Variants in CFAP43 observed in about 807,000 individuals in gnomAD.
The protein encoded by CFAP43 is cilia- and flagella-associated protein 43.
Under a neutral mutation model 218.9 loss-of-function variants are expected in CFAP43, and 155 were observed. That is an observed-to-expected ratio of 0.71 (90% confidence interval 0.62 to 0.81). CFAP43 has a LOEUF of 0.81. Ranked by LOEUF, CFAP43 falls within the 30% of genes least tolerant of loss-of-function variation. The pLI, the probability that CFAP43 is intolerant of heterozygous loss-of-function variation, is 0.00. For missense variants in CFAP43, 1,778 were observed against 1,954.3 expected (o/e 0.91, Z 1.70); for synonymous variants, 645 against 681.3 (o/e 0.95, Z 0.83).
At chr10:104,170,568 G>A (rs2089368105) in intron 20 of CFAP43, among the ~76,000 whole-genome samples, 1 of 152,118 alleles carries the variant, frequency 6.6e-6, no homozygotes, top group African/African-American at 2.4e-5. Context: ...CCGAGCCTGA[G>A]CCAAACCAGA....
At chr10:104,190,744 C>A (rs1564778812) in intron 12 of CFAP43, among the ~76,000 whole-genome samples, 2 of 152,210 alleles carry the variant, frequency 1.3e-5, no homozygotes, top group African/African-American at 4.8e-5. Flanking sequence ...CCAAGTCCTA[C>A]CAATTCCATC....
chr10:104,154,283 AGTT>A (rs904003591), intron 27 of CFAP43, among the ~76,000 whole-genome samples: 3 of 152,222 alleles, frequency 2.0e-5, no homozygotes, highest in African/African-American at 7.2e-5. Context: ...CAGTTTAAAA[AGTT>A]GAAAAGCCAA....
At chr10:104,136,362 A>G (rs1221630261) in intron 34 of CFAP43, among the ~76,000 whole-genome samples, 3 of 149,200 alleles carry the variant, frequency 2.0e-5, no homozygotes, top group Non-Finnish European at 4.5e-5. Flanking sequence ...ATTTTATTTT[A>G]TTTTATTTTA....
At chr10:104,204,879 C>A (rs973534012) in intron 7 of CFAP43, among the ~76,000 whole-genome samples, 5 of 151,880 alleles carry the variant, frequency 3.3e-5, no homozygotes, top group African/African-American at 4.8e-5. Context: ...TAGGTCAGTT[C>A]CACACCTTAG....
rs775365271 is a variant in CFAP43, at chr10:104,188,274, T to TGGCA, written c.1679_1682dup (p.Gln562AlafsTer9). 6.2e-7 allele frequency: 1 copy of TGGCA among 1,613,646 alleles called. No homozygotes were observed. Among genetic ancestry groups the TGGCA allele is most frequent in the Non-Finnish European group, 8.5e-7 (1 of 1,179,786 alleles). ...GGCTGCTTATGTTTTCCTTACCTTG[T>TGGCA]GGCAGTAATGTAGGCAGTGTGAACA... is the stretch of plus-strand genomic sequence containing the variant. On this transcript the variant is annotated frameshift_variant, in exon 13 of 38. Coordinates refer to ENST00000357060, the MANE Select transcript of CFAP43 (RefSeq NM_025145.7). LOFTEE classifies it high-confidence loss of function.
At position 104,179,940 on chromosome 10, in the gene CFAP43, A is replaced by G; in HGVS notation, c.2290-8T>C. 1 of 1,608,296 alleles carries G rather than the reference A, an allele frequency of 6.2e-7. No homozygotes were observed. Among genetic ancestry groups the G allele is most frequent in the Non-Finnish European group, 8.5e-7 (1 of 1,175,960 alleles). On this transcript the variant is annotated splice_region_variant and splice_polypyrimidine_tract_variant and intron_variant, in intron 17 of 37. Coordinates refer to ENST00000357060, the MANE Select transcript of CFAP43 (RefSeq NM_025145.7). ...AGTGCTTGCCTTCTGTTTCTGATACATGGTAGAAAAAGACAGACATGTCTT... is the reference window on the plus strand; with the variant it reads ...AGTGCTTGCCTTCTGTTTCTGATACGTGGTAGAAAAAGACAGACATGTCTT...
intron 19 of CFAP43, 101 bp from the exon 20 acceptor site, chr10:104,172,636 T>A: frequency 2.0e-6 from 2 of 1,021,332 alleles, no homozygotes; most frequent in Non-Finnish European, 2.7e-6. Context: ...AAAAAATAGA[T>A]GTTCTATTTA....
chr10:104,139,397 G>A (rs922589506), intron 34 of CFAP43, among the ~76,000 whole-genome samples: 7 of 151,932 alleles, frequency 4.6e-5, no homozygotes, highest in South Asian at 2.1e-4. Flanking sequence ...AGAATCTCAC[G>A]CACACATGTG....
At chr10:104,202,104 G>A (rs2090551635) in intron 8 of CFAP43, among the ~76,000 whole-genome samples, 1 of 152,166 alleles carries the variant, frequency 6.6e-6, no homozygotes, top group Non-Finnish European at 1.5e-5. Flanking sequence ...ATACGTTAGT[G>A]GGTGTGGCTA....
chr10:104,169,047 G>A, intron 20 of CFAP43, among the ~76,000 whole-genome samples, 199 bp from the exon 21 acceptor site: 1 of 151,862 alleles, frequency 6.6e-6, no homozygotes, highest in East Asian at 1.9e-4. Flanking sequence ...GTCTCCTGAA[G>A]TTTGTCTGTA....
chr10:104,170,314 T>C (rs1360930196), intron 20 of CFAP43, among the ~76,000 whole-genome samples: 1 of 151,818 alleles, frequency 6.6e-6, no homozygotes, highest in East Asian at 1.9e-4. Context: ...ATTTGGTAAG[T>C]GGCAAGGAGG....
intron 16 of CFAP43, among the ~76,000 whole-genome samples, chr10:104,184,519 G>A (rs1589728566): frequency 6.7e-6 from 1 of 149,994 alleles, no homozygotes; most frequent in South Asian, 2.1e-4. Flanking sequence ...CTGACTTCTG[G>A]AGGCTAGCCA....
rs866355551 is a variant in CFAP43 at position 104,168,788 on chromosome 10, CT to C, written c.2646del (p.Glu883LysfsTer9). Reference sequence around the variant, plus strand: ...ACAGCCATCGAATTCCAACATTCTTCTTTGATAAGTTCAGCCAAATAGCTCT... The same window carrying C: ...ACAGCCATCGAATTCCAACATTCTTCTTGATAAGTTCAGCCAAATAGCTCT... ...LAKSYLAELI[K>X]EECWNSMAVK... On this transcript the variant is annotated frameshift_variant, in exon 21 of 38. Transcript: ENST00000357060. LOFTEE classifies it high-confidence loss of function. The C allele has an allele frequency of 8.1e-6, 13 of 1,613,978 alleles. No homozygotes were observed. The highest frequency in any genetic ancestry group is 2.7e-5 in the African/African-American group (2 of 74,924).
At position 104,130,215 on chromosome 10, in the gene CFAP43, G is replaced by C; in HGVS notation, c.4922C>G (p.Ala1641Gly). Reference sequence around the variant, plus strand: ...AGTCTGTAGTATTGAAATCTGTTCAGCTTGTTGTTTTGAAATATTTGTTAA... The same window carrying C: ...AGTCTGTAGTATTGAAATCTGTTCACCTTGTTGTTTTGAAATATTTGTTAA... ...QKLTNISKQQAEQISILQTEV... is the reference protein window; with the variant it reads ...QKLTNISKQQGEQISILQTEV... Residue 1641 changes from alanine (A) to glycine (G), a missense_variant, in exon 38 of 38, where the codon GCT (alanine) becomes GGT (glycine). Transcript: ENST00000357060. The C allele has an allele frequency of 6.2e-7, 1 of 1,612,844 alleles. No individual in the cohort carries two copies. Among genetic ancestry groups the C allele is most frequent in the Non-Finnish European group, 8.5e-7 (1 of 1,179,644 alleles).
chr10:104,135,082 A>C (rs779887788), intron 34 of CFAP43, among the ~76,000 whole-genome samples: 18 of 152,200 alleles, frequency 1.2e-4, no homozygotes, highest in Non-Finnish European at 2.2e-4. Context: ...GCACAATCAA[A>C]CAATATAATA....
intron 4 of CFAP43, among the ~76,000 whole-genome samples, chr10:104,212,654 T>C (rs2090898862): frequency 6.6e-6 from 1 of 152,224 alleles, no homozygotes; most frequent in South Asian, 2.1e-4. Flanking sequence ...CTAAAATAAA[T>C]ATATATTTAA....
At chr10:104,207,290 G>A (rs189917423) in intron 6 of CFAP43, among the ~76,000 whole-genome samples, 15 of 152,286 alleles carry the variant, frequency 9.8e-5, no homozygotes, top group Middle Eastern at 3.4e-3. Flanking sequence ...GGGCAGGAAA[G>A]GGTATGATTA....
At chr10:104,133,548 A>T in intron 35 of CFAP43, 72 bp downstream of exon 35, 1 of 1,467,852 alleles carries the variant, frequency 6.8e-7, no homozygotes, top group Non-Finnish European at 9.1e-7. Flanking sequence ...GCTTCTTATT[A>T]AATACTGGTT....
chr10:104,210,783 CTTTTTTT>C (rs68153454), intron 5 of CFAP43, among the ~76,000 whole-genome samples: 3 of 75,460 alleles, frequency 4.0e-5, no homozygotes, highest in African/African-American at 1.2e-4. Flanking sequence ...GTGAAACACT[CTTTTTTT>C]TTTTTTTTTT....
Sources: allele counts gnomAD v4.1 joint callset (sites outside exome capture counted in the v4.1 genomes callset), GRCh38; gene constraint gnomAD v4.1.1; transcripts MANE v1.5; gene names NCBI Gene and HGNC (gene_info 2026-07-23, HGNC 2026-07-21).